Variants in ITK observed in about 807,000 individuals in gnomAD.
ITK encodes the protein tyrosine-protein kinase ITK/TSK.
ITK carries 45 observed loss-of-function variants against 87.6 expected under a neutral mutation model. The observed-to-expected ratio is 0.51, with a 90% CI of 0.40 to 0.66. ITK has a LOEUF of 0.66. Ranked by LOEUF, ITK falls within the 30% of genes least tolerant of loss-of-function variation. The probability of loss-of-function intolerance (pLI) is 0.00; values close to 1 mark genes in which losing one functional copy is unlikely to be tolerated. For synonymous variants in ITK, 303 were observed against 273.6 expected (o/e 1.11, Z -1.06); for missense variants, 605 against 766.3 (o/e 0.79, Z 2.48).
Position 157,214,304 on chromosome 5 carries a change from G to T in ITK, c.439G>T (p.Asp147Tyr). The T allele has an allele frequency of 2.5e-6, 4 of 1,613,494 alleles. No homozygotes were observed. The highest frequency in any genetic ancestry group is 3.4e-6 in the Non-Finnish European group (4 of 1,179,396). Residue 147 changes from aspartate (D) to tyrosine (Y), a missense_variant, in exon 4 of 17, where the codon GAT (aspartate) becomes TAT (tyrosine). Asp to Tyr is a radical substitution (Grantham distance 160, BLOSUM62 -3). Around this residue, in one of 3 missense-constraint regions of ITK, gnomAD observed 464 missense variants for 578.0 expected, o/e 0.80. Transcript: ENST00000422843. ...GCTTGCAACAGGCTGTGCCCAATATGATCCAACCAAGAATGGTAAGAGACT... is the reference window on the plus strand; with the variant it reads ...GCTTGCAACAGGCTGTGCCCAATATTATCCAACCAAGAATGGTAAGAGACT... ...EKLATGCAQYDPTKNASKKPL... is the reference protein window; with the variant it reads ...EKLATGCAQYYPTKNASKKPL...
At chr5:157,200,157 A>T (rs1487554125) in intron 1 of ITK, among the ~76,000 whole-genome samples, 1 of 152,204 alleles carries the variant, frequency 6.6e-6, no homozygotes, top group Non-Finnish European at 1.5e-5. Context: ...AAGATATAAA[A>T]GCTGATTGCA....
At chr5:157,228,973 A>G (rs780196581) in intron 7 of ITK, among the ~76,000 whole-genome samples, 7 of 152,216 alleles carry the variant, frequency 4.6e-5, no homozygotes, top group Non-Finnish European at 5.9e-5. Context: ...TGGCTCTAAC[A>G]GGCTCCATTT....
In ITK at chr5:157,225,869, A is replaced by C. The variant is rs564032998; in HGVS notation, c.648-2427A>C. On this transcript the variant is annotated intron_variant, in intron 6 of 16. Coordinates refer to ENST00000422843, the MANE Select transcript of ITK (RefSeq NM_005546.4). ...TCAATCAACTGACTTTACTTAGCAC[A>C]CCTAATGTACCAGGAAATTTGTTCT... Among the ~76,000 whole-genome samples, 3 of 152,274 alleles carry C rather than the reference A, an allele frequency of 2.0e-5. No homozygotes were observed. The East Asian group carries it at 5.8e-4, about 29-fold the overall frequency.
intron 3 of ITK, chr5:157,213,579 G>A (rs140571758): frequency 1.0e-4 from 46 of 454,192 alleles, no homozygotes; most frequent in African/African-American, 8.0e-4. Flanking sequence ...AAGGGGTCTC[G>A]CTATGTTGCC....
chr5:157,183,705 T>A (rs113249679), intron 1 of ITK, among the ~76,000 whole-genome samples: 2 of 152,176 alleles, frequency 1.3e-5, no homozygotes, highest in Non-Finnish European at 2.9e-5. Context: ...GTGGGGTAGA[T>A]ATACATGCAT....
At chr5:157,203,084 C>T (rs972923074) in intron 1 of ITK, among the ~76,000 whole-genome samples, 2 of 152,212 alleles carry the variant, frequency 1.3e-5, no homozygotes, top group African/African-American at 4.8e-5. Flanking sequence ...TTTTTGGTCT[C>T]TTCTTAGATG....
chr5:157,225,339 G>A (rs2113762605), intron 6 of ITK, among the ~76,000 whole-genome samples: 1 of 152,146 alleles, frequency 6.6e-6, no homozygotes, highest in South Asian at 2.1e-4. Context: ...GTCAGAGTAT[G>A]TGATATCTTA....
intron 1 of ITK, among the ~76,000 whole-genome samples, chr5:157,189,886 C>T (rs1198235200): frequency 6.6e-6 from 1 of 152,194 alleles, no homozygotes; most frequent in African/African-American, 2.4e-5. Context: ...TCCCATTCAT[C>T]AGTGAATTAT....
At chr5:157,219,398 C>T (rs924757366) in intron 5 of ITK, among the ~76,000 whole-genome samples, 1 of 152,186 alleles carries the variant, frequency 6.6e-6, no homozygotes. Context: ...CAGGCGTGAG[C>T]CACTGTGCCT....
intron 1 of ITK, among the ~76,000 whole-genome samples, chr5:157,204,182 T>C (rs1273513405): frequency 6.6e-6 from 1 of 152,176 alleles, no homozygotes; most frequent in Non-Finnish European, 1.5e-5. Context: ...GGCTAATTTA[T>C]GTAATTTTTT....
At chr5:157,252,061 A>G (rs1053611138) in intron 16 of ITK, among the ~76,000 whole-genome samples, 2 of 152,224 alleles carry the variant, frequency 1.3e-5, no homozygotes, top group Non-Finnish European at 2.9e-5. Context: ...TATTGAATCT[A>G]TAAGTCAAGT....
At chr5:157,215,116 C>T (rs145784010) in intron 4 of ITK, among the ~76,000 whole-genome samples, 45 of 152,146 alleles carry the variant, frequency 3.0e-4, no homozygotes, top group South Asian at 1.0e-3. Flanking sequence ...GGGTACATGG[C>T]GTGATGTTAA....
chr5:157,211,609 C>A (rs1754193823), intron 3 of ITK: 1 of 540,840 alleles, frequency 1.8e-6, no homozygotes, highest in Non-Finnish European at 3.3e-6. Flanking sequence ...TTGTATATAA[C>A]TCATTTCAAA....
intron 1 of ITK, among the ~76,000 whole-genome samples, chr5:157,184,499 C>A (rs1232584851): frequency 2.0e-5 from 3 of 152,110 alleles, no homozygotes; most frequent in African/African-American, 7.2e-5. Context: ...GATATCGGAT[C>A]CTTTTCAGCG....
At chr5:157,227,145 C>T (rs1754548528) in intron 6 of ITK, among the ~76,000 whole-genome samples, 1 of 152,124 alleles carries the variant, frequency 6.6e-6, no homozygotes, top group African/African-American at 2.4e-5. Context: ...TACAGATTGA[C>T]AGAGTATGGA....
intron 10 of ITK, chr5:157,240,582 A>G (rs1461928425): frequency 3.3e-6 from 1 of 306,200 alleles, no homozygotes; most frequent in Non-Finnish European, 6.3e-6. Flanking sequence ...GTAATTTATA[A>G]AGAAAAGAGG....
At chr5:157,243,877 G>T in intron 12 of ITK, 83 bp downstream of exon 12, 1 of 1,304,234 alleles carries the variant, frequency 7.7e-7, no homozygotes, top group South Asian at 1.2e-5. Context: ...AAACGCCAGG[G>T]GGTACTATCT....
chr5:157,223,752 G>A (rs1355388182), intron 6 of ITK, among the ~76,000 whole-genome samples: 1 of 151,914 alleles, frequency 6.6e-6, no homozygotes, highest in Non-Finnish European at 1.5e-5. Context: ...GAACACTTAG[G>A]TTATCTCCAA....
intron 12 of ITK, 38 bp from the exon 13 acceptor site, chr5:157,244,224 G>A: frequency 1.3e-6 from 2 of 1,536,604 alleles, no homozygotes; most frequent in South Asian, 2.2e-5. Context: ...TTGGGAGACT[G>A]AGTTTAGGCC....
Sources: gnomAD v4.1 joint callset for allele counts (sites outside exome capture counted in the v4.1 genomes callset) on GRCh38, gnomAD v4.1.1 for gene constraint, gnomAD v4.1.1 regional missense constraint, MANE v1.5 for transcripts, NCBI Gene and HGNC (gene_info 2026-07-23, HGNC 2026-07-21) for gene names.